The following PCDHGA8 variants were observed in gnomAD, a reference collection of about 807,000 sequenced individuals.
The protein encoded by PCDHGA8 is protocadherin gamma subfamily A, 8, also known as protocadherin gamma-A8.
Under a neutral mutation model 59.2 loss-of-function variants are expected in PCDHGA8, and 45 were observed. The observed-to-expected ratio is 0.76, with a 90% CI of 0.60 to 0.98. The LOEUF is 0.98. Among genes scored for constraint, PCDHGA8 ranks in the 50% least tolerant of loss-of-function variants. The pLI, the probability that PCDHGA8 is intolerant of heterozygous loss-of-function variation, is 0.00. For synonymous variants in PCDHGA8, 531 were observed against 519.0 expected, an observed-to-expected ratio of 1.02 and a Z score of -0.32; for missense variants, 1,257 against 1,196.2, an observed-to-expected ratio of 1.05 and a Z score of -0.75.
chr5:141,425,015 A>G (rs1285592254), intron 1 of PCDHGA8, among the ~76,000 whole-genome samples: 2 of 152,190 alleles, frequency 1.3e-5, no homozygotes, highest in East Asian at 3.8e-4. Context: ...TCATTTAGGA[A>G]TTTACCTTAT....
intron 1 of PCDHGA8, chr5:141,410,703 C>G (rs763776263): frequency 1.1e-5 from 16 of 1,467,494 alleles, no homozygotes; most frequent in Non-Finnish European, 9.1e-7. Flanking sequence ...ATTTTCATAT[C>G]TAGAATCATA....
Position 141,505,427 on chromosome 5 carries a change from A to G in PCDHGA8, c.2518A>G (p.Asn840Asp), listed in dbSNP as rs1453435374. Reference protein sequence around the residue: ...QNGDDTGTWPNNQFDTEMLQA... With the variant: ...QNGDDTGTWPDNQFDTEMLQA... The stretch of plus-strand genomic sequence containing the variant: ...TGGCGATGACACCGGCACCTGGCCC[A>G]ACAACCAGTTTGACACAGAGATGCT... The change falls in exon 3 of 4, where the codon AAC (asparagine) becomes GAC (aspartate). Residue 840 changes from asparagine to aspartate, a missense_variant. Physicochemically the swap from Asn to Asp is conservative, Grantham distance 23 (BLOSUM62 1). Coordinates refer to ENST00000398604, the MANE Select transcript of PCDHGA8 (RefSeq NM_032088.2). 1 of 1,614,230 alleles carries G rather than the reference A, an allele frequency of 6.2e-7. No individual in the cohort carries two copies. Among genetic ancestry groups the G allele is most frequent in the East Asian group, 2.2e-5 (1 of 44,878 alleles).
Position 141,487,623 on chromosome 5 carries a change from CT to C in PCDHGA8, c.2425-7181del. 1 of 1,614,206 alleles carries C rather than the reference CT, an allele frequency of 6.2e-7. No homozygotes were observed. Among genetic ancestry groups the C allele is most frequent in the Non-Finnish European group, 8.5e-7 (1 of 1,180,044 alleles). On this transcript the variant is annotated intron_variant, in intron 1 of 3. Transcript: ENST00000398604. This position sits in a 1 kb window ranked among gnomAD's most constrained non-coding sequence, Gnocchi z 5.0. ...CTTCTCTATGGGCTAGAGGTGAGAC[CT>C]TTGCAGGCTCAACAAATGCTTGAGG...
chr5:141,464,655 G>T (rs1326749316), intron 1 of PCDHGA8, among the ~76,000 whole-genome samples: 1 of 152,070 alleles, frequency 6.6e-6, no homozygotes. Flanking sequence ...TGGGTAAAAA[G>T]ATATCTCCAA....
Position 141,486,672 on chromosome 5 carries a change from G to A in PCDHGA8, c.2425-8135G>A. The A allele has an allele frequency of 5.0e-6, 8 of 1,614,000 alleles. No homozygotes were observed. Among genetic ancestry groups the A allele is most frequent in the Non-Finnish European group, 5.9e-6 (7 of 1,180,028 alleles). On this transcript the variant is annotated intron_variant, in intron 1 of 3. Coordinates refer to ENST00000398604, the MANE Select transcript of PCDHGA8 (RefSeq NM_032088.2). This position sits in a 1 kb window ranked among gnomAD's most constrained non-coding sequence, Gnocchi z 5.0. Reference sequence around the variant, plus strand: ...TACTCACTCCTGGAGCCCAGGAATCGAGATGTATCAGCTTCCTCTTTCATC... The same window carrying A: ...TACTCACTCCTGGAGCCCAGGAATCAAGATGTATCAGCTTCCTCTTTCATC...
Position 141,394,374 on chromosome 5 carries a change from G to C in PCDHGA8, c.1561G>C (p.Asp521His). The C allele has an allele frequency of 3.7e-6, 6 of 1,614,172 alleles. No homozygotes were observed. The highest frequency in any genetic ancestry group is 5.1e-6 in the Non-Finnish European group (6 of 1,180,036). The change falls in exon 1 of 4, where the codon GAC becomes CAC. Residue 521 changes from aspartate to histidine, a missense_variant. Asp to His is a moderately conservative substitution (Grantham distance 81). Transcript: ENST00000398604. ...TGTCCTGTATGCGCTGCAATCTTTC[G>C]ACTATGAGCAGATCCGAGACCTGCA... ...TGVLYALQSF[D>H]YEQIRDLQLL...
chr5:141,491,114 C>T lies in PCDHGA8; in HGVS notation c.2425-3693C>T, dbSNP rs1240431232. 1 of 1,614,104 alleles carries T rather than the reference C, an allele frequency of 6.2e-7. No homozygotes were observed. Among genetic ancestry groups the T allele is most frequent in the Admixed American group, 1.7e-5 (1 of 60,012 alleles). ...GGACTGTTCCTCGTGTCTACACACA[C>T]TGGTGAGGTGCGCACAGCCCGGGCC... On this transcript the variant is annotated intron_variant, in intron 1 of 3. Transcript: ENST00000398604. The surrounding 1 kb of genome is among the most constrained non-coding windows in gnomAD (Gnocchi z 6.9).
chr5:141,454,580 ATT>A (rs1392342692), intron 1 of PCDHGA8, among the ~76,000 whole-genome samples: 2 of 151,234 alleles, frequency 1.3e-5, no homozygotes, highest in Non-Finnish European at 2.9e-5. Context: ...CTAATTTTGT[ATT>A]TTTAGTAGAG....
At chr5:141,499,168 C>T (rs1169979036) in intron 2 of PCDHGA8, among the ~76,000 whole-genome samples, 3 of 152,184 alleles carry the variant, frequency 2.0e-5, no homozygotes, top group African/African-American at 7.2e-5. Context: ...GTCTCAAGCT[C>T]TGAGCCCAGC....
chr5:141,447,775 AT>A (rs1463090729), intron 1 of PCDHGA8, among the ~76,000 whole-genome samples: 2 of 152,212 alleles, frequency 1.3e-5, no homozygotes, highest in Non-Finnish European at 2.9e-5. Flanking sequence ...TTATACTTTA[AT>A]TGAAAATAAA....
At position 141,409,627 on chromosome 5, in the gene PCDHGA8, C is replaced by A. The variant is rs761778894; in HGVS notation, c.2424+14390C>A. ...CAGGAGCCTCCATTGCGCAAGTGAG[C>A]GCCTCTGACCCGGATTTGGGGCTCA... On this transcript the variant is annotated intron_variant, in intron 1 of 3. Coordinates refer to ENST00000398604, the MANE Select transcript of PCDHGA8 (RefSeq NM_032088.2). 5.0e-5 allele frequency: 80 copies of A among 1,613,716 alleles called. No individual in the cohort carries two copies. The Admixed American group carries it at 1.2e-3, about 24-fold the overall frequency.
chr5:141,486,879 G>A lies in PCDHGA8; in HGVS notation c.2425-7928G>A, dbSNP rs1371072899. 7 of 1,614,228 alleles carry A rather than the reference G, an allele frequency of 4.3e-6. No homozygotes were observed. Among genetic ancestry groups the A allele is most frequent in the Non-Finnish European group, 4.2e-6 (5 of 1,180,046 alleles). On this transcript the variant is annotated intron_variant, in intron 1 of 3. Coordinates refer to ENST00000398604, the MANE Select transcript of PCDHGA8 (RefSeq NM_032088.2). The surrounding 1 kb of genome is among the most constrained non-coding windows in gnomAD (Gnocchi z 5.0). Reference sequence around the variant, plus strand: ...AATGCTCCAGCTGTGCTCCGTCCTCGGGCCCGGCCTGGTTCCTTATGTCCC... The same window carrying A: ...AATGCTCCAGCTGTGCTCCGTCCTCAGGCCCGGCCTGGTTCCTTATGTCCC...
chr5:141,418,247 G>A, intron 1 of PCDHGA8: 1 of 1,614,032 alleles, frequency 6.2e-7, no homozygotes, highest in Non-Finnish European at 8.5e-7. Context: ...TAATGACCAC[G>A]CCCCTCAATT....
rs927337267 is a variant in PCDHGA8, at chr5:141,393,317, G to C, written c.504G>C (p.Gln168His). ...VDPDVGVNSL[Q>H]SYQLSPNHHF... ...CGGATGTGGGCGTGAACTCCCTCCAGAGCTACCAGCTCAGCCCCAATCACC... is the reference window on the plus strand; with the variant it reads ...CGGATGTGGGCGTGAACTCCCTCCACAGCTACCAGCTCAGCCCCAATCACC... The change falls in exon 1 of 4, where the codon CAG becomes CAC. Residue 168 changes from glutamine to histidine, a missense_variant. Coordinates refer to ENST00000398604, the MANE Select transcript of PCDHGA8 (RefSeq NM_032088.2). The C allele has an allele frequency of 6.2e-7, 1 of 1,612,904 alleles. No individual in the cohort carries two copies. Among genetic ancestry groups the C allele is most frequent in the South Asian group, 1.1e-5 (1 of 91,034 alleles).
In PCDHGA8 at chr5:141,431,159, C is replaced by A. The variant is rs1017606383; in HGVS notation, c.2424+35922C>A. On this transcript the variant is annotated intron_variant, in intron 1 of 3. Coordinates refer to ENST00000398604, the MANE Select transcript of PCDHGA8 (RefSeq NM_032088.2). The surrounding 1 kb of genome is among the most constrained non-coding windows in gnomAD (Gnocchi z 4.8). The stretch of plus-strand genomic sequence containing the variant: ...CATTAACGACAATGCGCCTTACTTT[C>A]GTGAAAGTGAATTAGAAATAAAAAT... The A allele has an allele frequency of 6.2e-7, 1 of 1,614,158 alleles. No homozygotes were observed. The highest frequency in any genetic ancestry group is 1.3e-5 in the African/African-American group (1 of 75,046).
At chr5:141,405,094 C>T (rs1289372327) in intron 1 of PCDHGA8, 4 of 1,613,840 alleles carry the variant, frequency 2.5e-6, no homozygotes, top group Non-Finnish European at 3.4e-6. Flanking sequence ...TGCTGGCCCT[C>T]AGGCTGAGGC....
At position 141,485,541 on chromosome 5, in the gene PCDHGA8, T is replaced by A; in HGVS notation, c.2425-9266T>A. 2 of 1,613,902 alleles carry A rather than the reference T, an allele frequency of 1.2e-6. No homozygotes were observed. Among genetic ancestry groups the A allele is most frequent in the Non-Finnish European group, 1.7e-6 (2 of 1,179,958 alleles). ...GAAATGTACCGAGCAGAGGTAGAGATCGTAGATGTGAATGATCACGCCCCC... is the reference window on the plus strand; with the variant it reads ...GAAATGTACCGAGCAGAGGTAGAGAACGTAGATGTGAATGATCACGCCCCC... On this transcript the variant is annotated intron_variant, in intron 1 of 3. Coordinates refer to ENST00000398604, the MANE Select transcript of PCDHGA8 (RefSeq NM_032088.2). The surrounding 1 kb of genome is among the most constrained non-coding windows in gnomAD (Gnocchi z 5.7).
chr5:141,420,795 A>G (rs1046945975), intron 1 of PCDHGA8, among the ~76,000 whole-genome samples: 1 of 152,260 alleles, frequency 6.6e-6, no homozygotes, highest in Non-Finnish European at 1.5e-5. Flanking sequence ...AAAACTTTTT[A>G]AAAATTAAGC....
At chr5:141,478,143 A>G (rs759384540) in intron 1 of PCDHGA8, 72 of 1,614,014 alleles carry the variant, frequency 4.5e-5, no homozygotes, top group Middle Eastern at 3.3e-4. Context: ...GCCCGAGCCG[A>G]GTTCCCCTCT....
Sources: gnomAD v4.1 joint callset for allele counts (sites outside exome capture counted in the v4.1 genomes callset) on GRCh38, gnomAD v4.1.1 for gene constraint, Gnocchi (gnomAD v3.1) non-coding constraint, MANE v1.5 for transcripts, NCBI Gene and HGNC (gene_info 2026-07-23, HGNC 2026-07-21) for gene names.